The following EIPR1 variants were observed in gnomAD, a reference collection of about 807,000 sequenced individuals.
EIPR1 encodes EARP and GARP complex-interacting protein 1.
Under a neutral mutation model 48.1 loss-of-function variants are expected in EIPR1, and 25 were observed. That is an observed-to-expected ratio of 0.52 (90% CI 0.38 to 0.73). EIPR1 has a LOEUF of 0.73. Ranked by LOEUF, EIPR1 falls within the 30% of genes least tolerant of loss-of-function variation. The probability of loss-of-function intolerance (pLI) is 0.00; values close to 1 mark genes in which losing one functional copy is unlikely to be tolerated. For missense variants in EIPR1, 415 were observed against 506.2 expected, an observed-to-expected ratio of 0.82 and a Z score of 1.73; for synonymous variants, 204 against 201.9, an observed-to-expected ratio of 1.01 and a Z score of -0.09.
chr2:3,211,715 G>A (rs1451808227), intron 5 of EIPR1, among the ~76,000 whole-genome samples: 1 of 152,190 alleles, frequency 6.6e-6, no homozygotes, highest in African/African-American at 2.4e-5. Context: ...CACCTTCAAG[G>A]AGCTCCTGCT....
At chr2:3,348,802 C>G (rs1670480387) in intron 2 of EIPR1, among the ~76,000 whole-genome samples, 1 of 152,212 alleles carries the variant, frequency 6.6e-6, no homozygotes, top group Admixed American at 6.5e-5. Context: ...CCACCACTCC[C>G]CAGGAGAGCT....
chr2:3,298,543 G>C (rs1196853025), intron 3 of EIPR1: 4 of 152,064 alleles, frequency 2.6e-5, no homozygotes, highest in South Asian at 2.1e-4. Context: ...GATCTCGATG[G>C]TGTTGGTAAA....
At chr2:3,208,551 G>T in intron 5 of EIPR1, 1 of 1,549,162 alleles carries the variant, frequency 6.5e-7, no homozygotes, top group South Asian at 1.2e-5. Flanking sequence ...AGTGAGAAAT[G>T]ACCATTTGTT....
At chr2:3,336,964 A>AGGG (rs1670079254) in intron 3 of EIPR1, among the ~76,000 whole-genome samples, 1 of 139,398 alleles carries the variant, frequency 7.2e-6, no homozygotes, top group Admixed American at 7.0e-5. Context: ...AGAAAAGGGA[A>AGGG]AGGAAGGGAA....
At position 3,323,922 on chromosome 2, in the gene EIPR1, G is replaced by A. The variant is rs542194121; in HGVS notation, c.259+14095C>T. 7.2e-5 allele frequency among the ~76,000 whole-genome samples: 11 copies of A among 152,348 alleles called. 1 individual carries two copies. The highest frequency in any genetic ancestry group is 1.3e-4 in the Non-Finnish European group (9 of 68,030). On this transcript the variant is annotated intron_variant, in intron 3 of 8. Coordinates refer to ENST00000382125, the MANE Select transcript of EIPR1 (RefSeq NM_003310.5). ...GGGGTGCTCCGCTGCTGCCGTGTTG[G>A]AGTAGGCAGCAAGGGTGAGGCTGAA...
At position 3,197,270 on chromosome 2, in the gene EIPR1, G is replaced by A. The variant is rs952667220; in HGVS notation, c.517-253C>T. On this transcript the variant is annotated intron_variant, in intron 5 of 8. Coordinates refer to ENST00000382125, the MANE Select transcript of EIPR1 (RefSeq NM_003310.5). Reference sequence around the variant, plus strand: ...GGCCTCTATTAAAGAGCGTTTGCTTGCAAGTATGTGATTAGAGATAATCAA... The same window carrying A: ...GGCCTCTATTAAAGAGCGTTTGCTTACAAGTATGTGATTAGAGATAATCAA... 3.3e-5 allele frequency among the ~76,000 whole-genome samples: 5 copies of A among 152,214 alleles called. No individual in the cohort carries two copies. In the East Asian group the frequency reaches 9.6e-4, roughly 29 times the overall value.
chr2:3,227,257 CTTG>C (rs1255227281), intron 4 of EIPR1, among the ~76,000 whole-genome samples: 1 of 152,218 alleles, frequency 6.6e-6, no homozygotes, highest in Non-Finnish European at 1.5e-5. Flanking sequence ...TTCCTACAGA[CTTG>C]TTGAATGTCT....
intron 1 of EIPR1, among the ~76,000 whole-genome samples, chr2:3,367,975 G>A (rs1671017117): frequency 6.6e-6 from 1 of 152,174 alleles, no homozygotes; most frequent in African/African-American, 2.4e-5. Context: ...AACCCGGGAG[G>A]CGGAGCTTGC....
At chr2:3,235,446 G>A (rs545198854) in intron 4 of EIPR1, among the ~76,000 whole-genome samples, 117 of 27,906 alleles carry the variant, frequency 4.2e-3, no homozygotes, top group East Asian at 0.034. Context: ...ACACGCGTGC[G>A]CGCACACACA....
Position 3,363,524 on chromosome 2 carries a change from C to T in EIPR1, c.43-8891G>A, listed in dbSNP as rs537666412. Among the ~76,000 whole-genome samples the T allele has an allele frequency of 7.9e-5, 12 of 152,154 alleles. No individual in the cohort carries two copies. The East Asian group carries it at 2.3e-3, about 29-fold the overall frequency. ...CAGCCTGGGCAACAAGGTGAAATCC[C>T]GTCTCTACATAAAATATAAAAGTCA... is the stretch of plus-strand genomic sequence containing the variant. On this transcript the variant is annotated intron_variant, in intron 1 of 8. Coordinates refer to ENST00000382125, the MANE Select transcript of EIPR1 (RefSeq NM_003310.5).
intron 4 of EIPR1, among the ~76,000 whole-genome samples, chr2:3,220,993 CAGTG>C (rs1396411865): frequency 1.2e-5 from 1 of 85,542 alleles, no homozygotes; most frequent in African/African-American, 4.9e-5. Context: ...AGAACACTCA[CAGTG>C]AGTCAGGAAC....
chr2:3,338,928 G>T (rs1187673535), intron 2 of EIPR1, among the ~76,000 whole-genome samples: 1 of 151,906 alleles, frequency 6.6e-6, no homozygotes, highest in Non-Finnish European at 1.5e-5. Context: ...AATATTCATG[G>T]GTCTACACAA....
At chr2:3,289,566 C>G (rs760363357) in intron 3 of EIPR1, among the ~76,000 whole-genome samples, 1 of 152,100 alleles carries the variant, frequency 6.6e-6, no homozygotes, top group Admixed American at 6.6e-5. Context: ...AGCTTGTAAA[C>G]GAGGCATGCC....
At chr2:3,333,857 T>C (rs1030891790) in intron 3 of EIPR1, among the ~76,000 whole-genome samples, 10 of 151,756 alleles carry the variant, frequency 6.6e-5, no homozygotes, top group Admixed American at 5.9e-4. Flanking sequence ...AGGAGGGTGC[T>C]CCTAACAACT....
chr2:3,257,475 G>T lies in EIPR1; in HGVS notation c.260-20C>A, dbSNP rs769002809. ...CTGAAGCTGAGCAACAGAGCATAAT[G>T]GATAATGTCAACAGAGCACGGTGTG... On this transcript the variant is annotated intron_variant, in intron 3 of 8. Coordinates refer to ENST00000382125, the MANE Select transcript of EIPR1 (RefSeq NM_003310.5). The T allele has an allele frequency of 5.6e-6, 9 of 1,613,140 alleles. No individual in the cohort carries two copies. Among genetic ancestry groups the T allele is most frequent in the Non-Finnish European group, 7.6e-6 (9 of 1,179,292 alleles).
At chr2:3,235,979 G>A (rs1666392906) in intron 4 of EIPR1, among the ~76,000 whole-genome samples, 1 of 152,112 alleles carries the variant, frequency 6.6e-6, no homozygotes, top group Admixed American at 6.5e-5. Context: ...AGTGGGTTTT[G>A]CCAAATGGGC....
intron 4 of EIPR1, among the ~76,000 whole-genome samples, chr2:3,241,944 T>A (rs13412983): frequency 0.041 from 6,178 of 152,242 alleles, 144 homozygotes; most frequent in South Asian, 0.074. Flanking sequence ...GGGATAACTC[T>A]AGGGACACCA....
intron 3 of EIPR1, among the ~76,000 whole-genome samples, chr2:3,292,175 C>T (rs974699385): frequency 1.3e-5 from 2 of 152,242 alleles, no homozygotes; most frequent in African/African-American, 4.8e-5. Flanking sequence ...AAGGTGAGGC[C>T]TGCAGCACTG....
intron 8 of EIPR1, 24 bp downstream of exon 8, chr2:3,192,390 C>A: frequency 6.4e-7 from 1 of 1,573,902 alleles, no homozygotes; most frequent in Non-Finnish European, 8.6e-7. Context: ...ACAGCGTGAG[C>A]CACTCTGCAG....
Sources: gnomAD v4.1 joint callset for allele counts (sites outside exome capture counted in the v4.1 genomes callset) on GRCh38, gnomAD v4.1.1 for gene constraint, MANE v1.5 for transcripts, NCBI Gene and HGNC (gene_info 2026-07-23, HGNC 2026-07-21) for gene names.